METTL25: variants seen among roughly 807,000 people sequenced by gnomAD.
METTL25 encodes probable methyltransferase-like protein 25.
In METTL25, 64 loss-of-function variants were observed where a neutral mutation model predicts 71.6. The observed-to-expected ratio is 0.89, with a 90% CI of 0.73 to 1.10. METTL25 has a LOEUF of 1.10. Ranked by LOEUF, METTL25 falls within the 50% of genes least tolerant of loss-of-function variation. The pLI, the probability that METTL25 is intolerant of heterozygous loss-of-function variation, is 0.00. For synonymous variants in METTL25, 287 were observed against 250.3 expected (o/e 1.15, Z -1.38); for missense variants, 807 against 707.0 (o/e 1.14, Z -1.60).
intron 1 of METTL25, among the ~76,000 whole-genome samples, chr12:82,361,757 C>T (rs537094272): frequency 6.6e-6 from 1 of 152,316 alleles, no homozygotes; most frequent in Non-Finnish European, 1.5e-5. Flanking sequence ...TCGCGCTGGC[C>T]AGCAAGCGTG....
chr12:82,373,821 T>G (rs1883527515), intron 1 of METTL25, among the ~76,000 whole-genome samples: 1 of 152,190 alleles, frequency 6.6e-6, no homozygotes, highest in Non-Finnish European at 1.5e-5. Flanking sequence ...TAGAGAGCTC[T>G]TTCCCAGAAA....
intron 8 of METTL25, among the ~76,000 whole-genome samples, chr12:82,449,413 A>G (rs944206765): frequency 1.3e-5 from 2 of 152,122 alleles, no homozygotes; most frequent in African/African-American, 2.4e-5. Flanking sequence ...GCCCATGCAC[A>G]CCGTCCTGGC....
chr12:82,370,168 A>T (rs1883061975), intron 1 of METTL25, among the ~76,000 whole-genome samples: 1 of 152,136 alleles, frequency 6.6e-6, no homozygotes, highest in Non-Finnish European at 1.5e-5. Context: ...TCCATAGGGG[A>T]ACTCTTTAGG....
chr12:82,401,136 T>A (rs1886586387), intron 4 of METTL25, among the ~76,000 whole-genome samples: 1 of 152,076 alleles, frequency 6.6e-6, no homozygotes, highest in African/African-American at 2.4e-5. Context: ...AGCAACTGAG[T>A]GTTCTATCAG....
chr12:82,399,500 C>T (rs1886396111), intron 4 of METTL25, 106 bp downstream of exon 4: 1 of 893,658 alleles, frequency 1.1e-6, no homozygotes, highest in African/African-American at 1.7e-5. Context: ...ATTAATCTAA[C>T]AGACCAAGAA....
At chr12:82,447,155 C>T (rs149148737) in intron 8 of METTL25, among the ~76,000 whole-genome samples, 258 of 151,754 alleles carry the variant, frequency 1.7e-3, no homozygotes, top group Admixed American at 3.9e-3. Context: ...AAAAAACCCA[C>T]GGAAGATCAA....
At chr12:82,461,097 C>A (rs1204316265) in intron 9 of METTL25, among the ~76,000 whole-genome samples, 1 of 152,064 alleles carries the variant, frequency 6.6e-6, no homozygotes, top group East Asian at 1.9e-4. Flanking sequence ...GAGCCAAGAT[C>A]GTGCCACTGC....
At chr12:82,468,376 G>A (rs967307202) in intron 9 of METTL25, 4 of 152,236 alleles carry the variant, frequency 2.6e-5, no homozygotes, top group African/African-American at 9.7e-5. Flanking sequence ...TTTGGAGGAA[G>A]GGTCAGCTAA....
chr12:82,386,715 A>T (rs904616834), intron 1 of METTL25, 88 bp from the exon 2 acceptor site: 3 of 1,060,518 alleles, frequency 2.8e-6, no homozygotes, highest in Non-Finnish European at 4.1e-6. Flanking sequence ...TTTGTTATAC[A>T]AATTAAGTGT....
Position 82,386,802 on chromosome 12 carries a change from G to A in METTL25, c.260-1G>A. ...GACTTTTTCTGTCTTCACTTTTTTA[G>A]GTATGACTGATTTTCCCAAAATATT... On this transcript the variant is annotated splice_acceptor_variant, in intron 1 of 11. Coordinates refer to ENST00000248306, the MANE Select transcript of METTL25 (RefSeq NM_032230.3). LOFTEE classifies it high-confidence loss of function. The A allele has an allele frequency of 6.2e-7, 1 of 1,611,608 alleles. No individual in the cohort carries two copies. Among genetic ancestry groups the A allele is most frequent in the Non-Finnish European group, 8.5e-7 (1 of 1,178,690 alleles).
chr12:82,438,357 A>C (rs1285150521), intron 7 of METTL25, among the ~76,000 whole-genome samples: 2 of 151,676 alleles, frequency 1.3e-5, no homozygotes, highest in Non-Finnish European at 3.0e-5. Context: ...TTTTTCACAC[A>C]TATCCTTCCT....
intron 8 of METTL25, among the ~76,000 whole-genome samples, chr12:82,441,476 T>G: frequency 6.6e-6 from 1 of 151,944 alleles, no homozygotes; most frequent in East Asian, 1.9e-4. Flanking sequence ...ATAGAATAGA[T>G]GTACTTTTCT....
Position 82,404,888 on chromosome 12 carries a change from G to C in METTL25, c.1279+1758G>C, listed in dbSNP as rs546516879. ...GAACCCAGGAGGCACAGGTTGCAGTGAGCCAAGATGGCGCCATTGCACTCC... is the reference window on the plus strand; with the variant it reads ...GAACCCAGGAGGCACAGGTTGCAGTCAGCCAAGATGGCGCCATTGCACTCC... On this transcript the variant is annotated intron_variant, in intron 5 of 11. Coordinates refer to ENST00000248306, the MANE Select transcript of METTL25 (RefSeq NM_032230.3). Among the ~76,000 whole-genome samples the C allele has an allele frequency of 7.8e-4, 119 of 151,788 alleles. 1 individual carries two copies. In the Middle Eastern group the frequency reaches 0.014, roughly 17 times the overall value.
At chr12:82,365,140 T>G (rs1400049703) in intron 1 of METTL25, among the ~76,000 whole-genome samples, 1 of 152,168 alleles carries the variant, frequency 6.6e-6, no homozygotes, top group African/African-American at 2.4e-5. Flanking sequence ...AGGCACTCCT[T>G]GCACATACCT....
intron 7 of METTL25, among the ~76,000 whole-genome samples, chr12:82,437,296 C>A (rs965557383): frequency 2.6e-5 from 4 of 151,608 alleles, no homozygotes; most frequent in Non-Finnish European, 4.4e-5. Flanking sequence ...TATGAGTCTA[C>A]CTTCAGTGAA....
intron 7 of METTL25, among the ~76,000 whole-genome samples, chr12:82,436,464 TC>T (rs1889922660): frequency 6.6e-6 from 1 of 151,600 alleles, no homozygotes; most frequent in Non-Finnish European, 1.5e-5. Flanking sequence ...TGATTCCCTT[TC>T]CACTTACCCA....
At chr12:82,431,451 G>A (rs1302880670) in intron 6 of METTL25, among the ~76,000 whole-genome samples, 3 of 151,558 alleles carry the variant, frequency 2.0e-5, no homozygotes. Context: ...ACAAAGAAAT[G>A]AGTTAAATAA....
chr12:82,444,783 C>CA (rs933171472), intron 8 of METTL25, among the ~76,000 whole-genome samples: 1 of 151,640 alleles, frequency 6.6e-6, no homozygotes, highest in Non-Finnish European at 1.5e-5. Context: ...CTAAATGGAT[C>CA]AAAAAAACAA....
intron 2 of METTL25, among the ~76,000 whole-genome samples, chr12:82,387,313 G>A (rs1420201363): frequency 6.6e-6 from 1 of 152,018 alleles, no homozygotes; most frequent in Non-Finnish European, 1.5e-5. Flanking sequence ...TGGGAAGAGG[G>A]TGGGAAGAGT....
Sources: allele counts gnomAD v4.1 joint callset (sites outside exome capture counted in the v4.1 genomes callset), GRCh38; gene constraint gnomAD v4.1.1; transcripts MANE v1.5; gene names NCBI Gene and HGNC (gene_info 2026-07-23, HGNC 2026-07-21).